Variants in LIMD1 observed in about 807,000 individuals in gnomAD.
The protein encoded by LIMD1 is LIM domain-containing protein 1.
Under a neutral mutation model 58.4 loss-of-function variants are expected in LIMD1, and 23 were observed. That is an observed-to-expected ratio of 0.39 (90% CI 0.28 to 0.56). LIMD1 has a LOEUF of 0.56. Ranked by LOEUF, LIMD1 falls within the 20% of genes least tolerant of loss-of-function variation. The pLI is 0.57. For missense variants in LIMD1, 838 were observed against 855.5 expected, an observed-to-expected ratio of 0.98 and a Z score of 0.25; for synonymous variants, 334 against 345.5, an observed-to-expected ratio of 0.97 and a Z score of 0.37.
intron 2 of LIMD1, among the ~76,000 whole-genome samples, chr3:45,638,796 C>G (rs765203925): frequency 1.9e-4 from 29 of 152,144 alleles, no homozygotes; most frequent in Non-Finnish European, 4.3e-4. Context: ...TTCTCTATAG[C>G]CTTGCCAACA....
Position 45,684,908 on chromosome 3 carries a change from C to T in LIMD1, c.*7849C>T, listed in dbSNP as rs887871694. On this transcript the variant is annotated 3_prime_UTR_variant, in exon 8 of 8. Coordinates refer to ENST00000273317, the MANE Select transcript of LIMD1 (RefSeq NM_014240.3). ...GCAGCTTGACTTTTCAGGCTGCTTT[C>T]TGTTGGAAAAGAAATGGTTTTGGGG... The T allele has an allele frequency of 6.6e-6, 1 of 152,126 alleles. No individual in the cohort carries two copies. The highest frequency in any genetic ancestry group is 2.1e-4 in the South Asian group (1 of 4,818). The allele number at this position is 152,126 out of a possible 1,614,324, so 9.4% of individuals were successfully genotyped here.
chr3:45,665,864 CATGT>C, intron 3 of LIMD1, 147 bp downstream of exon 3: 1 of 715,312 alleles, frequency 1.4e-6, no homozygotes, highest in Non-Finnish European at 2.4e-6. Context: ...TGGGGGTGGC[CATGT>C]TCCTGAGGCC....
rs147655393 is a variant in LIMD1 at position 45,660,345 on chromosome 3, T to G, written c.1511-5305T>G. Among the ~76,000 whole-genome samples, 415 of 151,210 alleles carry G rather than the reference T, an allele frequency of 2.7e-3. 11 individuals are homozygous for G. In the East Asian group the frequency reaches 0.05, roughly 18 times the overall value. ...ACAAGTAAAGATTTGGACTTTGTGATCAGACAGTGTGTGAATAGTTTTGCT... is the reference window on the plus strand; with the variant it reads ...ACAAGTAAAGATTTGGACTTTGTGAGCAGACAGTGTGTGAATAGTTTTGCT... On this transcript the variant is annotated intron_variant, in intron 2 of 7. Coordinates refer to ENST00000273317, the MANE Select transcript of LIMD1 (RefSeq NM_014240.3).
intron 1 of LIMD1, among the ~76,000 whole-genome samples, chr3:45,628,249 C>T (rs1202990494): frequency 1.3e-5 from 2 of 151,908 alleles, no homozygotes; most frequent in Admixed American, 6.6e-5. Flanking sequence ...GTTTGTAGGA[C>T]TCTAGCAAAA....
intron 1 of LIMD1, among the ~76,000 whole-genome samples, chr3:45,602,102 C>G (rs1028923509): frequency 1.4e-4 from 22 of 152,108 alleles, no homozygotes; most frequent in South Asian, 2.1e-4. Flanking sequence ...GCCACCACGC[C>G]CAGCTAATTT....
At chr3:45,663,758 A>G (rs1399899703) in intron 2 of LIMD1, among the ~76,000 whole-genome samples, 2 of 151,908 alleles carry the variant, frequency 1.3e-5, no homozygotes, top group African/African-American at 4.8e-5. Flanking sequence ...TTTTTGAGAC[A>G]GAGTCTTGCT....
intron 1 of LIMD1, among the ~76,000 whole-genome samples, chr3:45,635,552 T>G (rs1158953354): frequency 1.3e-5 from 2 of 151,718 alleles, no homozygotes; most frequent in Non-Finnish European, 2.9e-5. Context: ...AAAATTGAGG[T>G]TACTAAATCC....
intron 7 of LIMD1, among the ~76,000 whole-genome samples, 192 bp from the exon 8 acceptor site, chr3:45,676,730 G>C (rs1697677281): frequency 6.6e-6 from 1 of 152,228 alleles, no homozygotes; most frequent in African/African-American, 2.4e-5. Flanking sequence ...GTGGTTCACA[G>C]CAAGTGCCTT....
intron 1 of LIMD1, among the ~76,000 whole-genome samples, chr3:45,632,266 G>T (rs936146604): frequency 6.6e-6 from 1 of 152,144 alleles, no homozygotes; most frequent in Non-Finnish European, 1.5e-5. Flanking sequence ...GTGGACTTCG[G>T]CATTACCAAA....
At chr3:45,613,260 G>A (rs267225) in intron 1 of LIMD1, among the ~76,000 whole-genome samples, 141,729 of 152,258 alleles carry the variant, frequency 0.93, 66,780 homozygotes, top group East Asian at 1. Context: ...CTAAATAGAA[G>A]CACACATAAA....
intron 2 of LIMD1, among the ~76,000 whole-genome samples, chr3:45,639,418 C>T (rs1701819820): frequency 6.6e-6 from 1 of 152,188 alleles, no homozygotes; most frequent in South Asian, 2.1e-4. Context: ...AAGTACCATA[C>T]ACTGGTTGGC....
chr3:45,596,005 G>A lies in LIMD1; in HGVS notation c.1126G>A (p.Asp376Asn), dbSNP rs1701344673. 6.2e-7 allele frequency: 1 copy of A among 1,614,234 alleles called. No homozygotes were observed. Among genetic ancestry groups the A allele is most frequent in the Non-Finnish European group, 8.5e-7 (1 of 1,180,042 alleles). The change falls in exon 1 of 8, where the codon GAC becomes AAC. Residue 376 changes from aspartate to asparagine, a missense_variant. By Grantham distance (23) the Asp-to-Asn change is conservative (BLOSUM62 1). This residue lies in a region of LIMD1 where 659 missense variants were observed against 639.8 expected (regional missense o/e 1.03). Coordinates refer to ENST00000273317, the MANE Select transcript of LIMD1 (RefSeq NM_014240.3). The part of the protein sequence containing the change: ...PGLGPKPGCT[D>N]LGTGPKLSPT... The stretch of plus-strand genomic sequence containing the variant: ...GCTGGGGCCGAAGCCTGGCTGCACA[G>A]ACCTTGGCACTGGTCCCAAGCTCAG...
Position 45,639,574 on chromosome 3 carries a change from G to A in LIMD1, c.1510+3323G>A, listed in dbSNP as rs535424543. Among the ~76,000 whole-genome samples the A allele has an allele frequency of 3.9e-5, 6 of 152,308 alleles. 1 individual carries two copies. The East Asian group carries it at 1.2e-3, about 29-fold the overall frequency. ...GAGCTCTCTGGGATCTCCTTTATAA[G>A]GGCACTAATCCCATTCCTGAGCGTT... On this transcript the variant is annotated intron_variant, in intron 2 of 7. Transcript: ENST00000273317.
intron 1 of LIMD1, among the ~76,000 whole-genome samples, chr3:45,630,700 T>A (rs1349309818): frequency 6.8e-6 from 1 of 147,916 alleles, no homozygotes; most frequent in East Asian, 2.0e-4. Flanking sequence ...AGGAAGGAGC[T>A]CCCCTCATGA....
In LIMD1 at chr3:45,678,224, A is replaced by C. The variant is rs914271221; in HGVS notation, c.*1165A>C. 6.6e-6 allele frequency: 1 copy of C among 152,618 alleles called. No individual in the cohort carries two copies. The highest frequency in any genetic ancestry group is 1.5e-5 in the Non-Finnish European group (1 of 68,042). The allele number at this position is 152,618 out of a possible 1,614,324, so 9.5% of individuals were successfully genotyped here. A position where few individuals can be genotyped will look rare whatever the true frequency, so the allele number is the denominator to read the frequency against. On this transcript the variant is annotated 3_prime_UTR_variant, in exon 8 of 8. Transcript: ENST00000273317. ...CTTCACTTTCAGTCTTCCACACACA[A>C]AAAATACCTCACAGAGCTTCACCAA...
intron 1 of LIMD1, among the ~76,000 whole-genome samples, chr3:45,602,204 TC>T: frequency 6.6e-6 from 1 of 152,126 alleles, no homozygotes; most frequent in South Asian, 2.1e-4. Flanking sequence ...CTCCTTGGCC[TC>T]CCAAAGTGCT....
At chr3:45,607,189 A>G (rs1273302605) in intron 1 of LIMD1, among the ~76,000 whole-genome samples, 1 of 152,230 alleles carries the variant, frequency 6.6e-6, no homozygotes, top group Non-Finnish European at 1.5e-5. Flanking sequence ...GAAATTTCCA[A>G]GGCGTGGCAA....
chr3:45,652,894 G>A (rs1701990001), intron 2 of LIMD1, among the ~76,000 whole-genome samples: 1 of 152,172 alleles, frequency 6.6e-6, no homozygotes, highest in African/African-American at 2.4e-5. Flanking sequence ...AGGGGAAATG[G>A]AAAACTAACT....
chr3:45,610,632 AC>A (rs1184645947), intron 1 of LIMD1, among the ~76,000 whole-genome samples: 1 of 152,048 alleles, frequency 6.6e-6, no homozygotes, highest in East Asian at 1.9e-4. Flanking sequence ...TGGATCTGCC[AC>A]CCCCCAGCTC....
Sources: gnomAD v4.1 joint callset for allele counts (sites outside exome capture counted in the v4.1 genomes callset) on GRCh38, gnomAD v4.1.1 for gene constraint, gnomAD v4.1.1 regional missense constraint, MANE v1.5 for transcripts, NCBI Gene and HGNC (gene_info 2026-07-23, HGNC 2026-07-21) for gene names.